Variants in ATRN observed in about 807,000 individuals in gnomAD.
ATRN encodes the protein attractin.
ATRN carries 54 observed loss-of-function variants against 178.7 expected under a neutral mutation model. The ratio of observed to expected loss-of-function variants is 0.30; its 90% CI spans 0.24 to 0.38. The LOEUF (loss-of-function observed/expected upper bound fraction) is 0.38. ATRN is among the 10% of genes least tolerant of loss of function. The pLI is 1.00. For missense variants in ATRN, 1,443 were observed against 1,815.1 expected, an observed-to-expected ratio of 0.79 and a Z score of 3.73; for synonymous variants, 636 against 663.0, an observed-to-expected ratio of 0.96 and a Z score of 0.63.
At chr20:3,592,389 G>C (rs1053963545) in intron 19 of ATRN, 1 of 885,730 alleles carries the variant, frequency 1.1e-6, no homozygotes, top group Admixed American at 8.5e-5. Context: ...AACAGAGTGA[G>C]ACTCAGTCTC....
intron 1 of ATRN, chr20:3,489,810 TCA>T: frequency 7.9e-7 from 1 of 1,267,696 alleles, no homozygotes; most frequent in Non-Finnish European, 1.2e-6. Context: ...TCCACAAATC[TCA>T]CAGTTATAGT....
chr20:3,609,736 GTGTGTGTGTGTGTGTA>G (rs2086735950), intron 24 of ATRN, among the ~76,000 whole-genome samples: 1 of 150,216 alleles, frequency 6.7e-6, no homozygotes, highest in Non-Finnish European at 1.5e-5. Flanking sequence ...GTGTGTGTGT[GTGTGTGTGTGTGTGTA>G]TAAAATAAAA....
chr20:3,505,180 C>T (rs2085023988), intron 1 of ATRN, among the ~76,000 whole-genome samples: 1 of 152,146 alleles, frequency 6.6e-6, no homozygotes, highest in Admixed American at 6.5e-5. Flanking sequence ...GGCCACCATC[C>T]AATTGTTTGA....
chr20:3,583,877 T>C (rs200512307), intron 16 of ATRN, 21 bp from the exon 17 acceptor site: 13 of 1,605,220 alleles, frequency 8.1e-6, no homozygotes, highest in Admixed American at 6.7e-5. Context: ...TCTAAGTGTC[T>C]CTCTTGGGTT....
chr20:3,542,775 C>T (rs2085643799), intron 3 of ATRN, among the ~76,000 whole-genome samples: 1 of 151,210 alleles, frequency 6.6e-6, no homozygotes, highest in Non-Finnish European at 1.5e-5. Flanking sequence ...CACAAAAATG[C>T]AACACTATGC....
At chr20:3,568,445 T>A (rs2086069566) in intron 11 of ATRN, among the ~76,000 whole-genome samples, 1 of 150,310 alleles carries the variant, frequency 6.7e-6, no homozygotes, top group African/African-American at 2.5e-5. Flanking sequence ...CCCAGGAGTT[T>A]GAGGCTGCAG....
At chr20:3,607,370 T>C (rs573041937) in intron 24 of ATRN, among the ~76,000 whole-genome samples, 5 of 152,290 alleles carry the variant, frequency 3.3e-5, no homozygotes, top group Admixed American at 1.3e-4. Context: ...TTATACCCAT[T>C]AACCTCTATC....
In ATRN at chr20:3,582,241, C is replaced by T. The variant is rs377432996; in HGVS notation, c.2651C>T (p.Pro884Leu). Residue 884 changes from proline (P) to leucine (L), a missense_variant, in exon 16 of 29, where the codon CCG (proline) becomes CTG (leucine). This residue lies in a region of ATRN where 212 missense variants were observed against 330.7 expected (regional missense o/e 0.64). Coordinates refer to ENST00000262919, the MANE Select transcript of ATRN (RefSeq NM_139321.3). ...PFTNSLLQWM[P>L]SEPSDAGFCG... ...ACAAATAGTTTACTACAGTGGATGC[C>T]GTCTGAGCCCAGTGATGCTGGATTC... 7.4e-6 allele frequency: 12 copies of T among 1,613,880 alleles called. No homozygotes were observed. Among genetic ancestry groups the T allele is most frequent in the Admixed American group, 1.7e-5 (1 of 60,004 alleles).
chr20:3,540,496 T>C (rs1477616065), intron 3 of ATRN, among the ~76,000 whole-genome samples, 161 bp downstream of exon 3: 2 of 152,264 alleles, frequency 1.3e-5, no homozygotes, highest in East Asian at 3.8e-4. Context: ...GTGTTAGTGC[T>C]AACTTGGTTT....
chr20:3,507,742 A>T (rs1284870824), intron 1 of ATRN, among the ~76,000 whole-genome samples: 1 of 135,424 alleles, frequency 7.4e-6, no homozygotes, highest in East Asian at 2.1e-4. Context: ...CTCTGTTGCC[A>T]GGCTGGATCT....
At chr20:3,511,724 A>G (rs2085130880) in intron 1 of ATRN, among the ~76,000 whole-genome samples, 1 of 152,162 alleles carries the variant, frequency 6.6e-6, no homozygotes, top group Admixed American at 6.5e-5. Context: ...CACACAGATC[A>G]ACAACGAAGA....
In ATRN at chr20:3,562,549, T is replaced by G. The variant is rs974204378; in HGVS notation, c.1631+90T>G. On this transcript the variant is annotated intron_variant, in intron 9 of 28. Transcript: ENST00000262919. ...ATATTGTGCTATCTTTTTGTTTTCATGCCTGGCAGATAATTCTGTTCGGCA... is the reference window on the plus strand; with the variant it reads ...ATATTGTGCTATCTTTTTGTTTTCAGGCCTGGCAGATAATTCTGTTCGGCA... The G allele has an allele frequency of 3.8e-6, 5 of 1,330,390 alleles. No individual in the cohort carries two copies. In the East Asian group the frequency reaches 9.3e-5, roughly 25 times the overall value. 82.4% of individuals were successfully genotyped at this position (1,330,390 alleles called of 1,614,324 possible).
At chr20:3,559,050 A>G (rs2085916685) in intron 6 of ATRN, among the ~76,000 whole-genome samples, 1 of 152,238 alleles carries the variant, frequency 6.6e-6, no homozygotes, top group African/African-American at 2.4e-5. Context: ...TCATGATTAA[A>G]TAAAAGAAAA....
chr20:3,584,125 T>A (rs170976), intron 17 of ATRN, 42 bp downstream of exon 17: 1,191,952 of 1,589,398 alleles, frequency 0.75, 450,097 homozygotes, highest in East Asian at 0.99. Flanking sequence ...GCATGCCCTC[T>A]GTATAGGCAA....
rs1272030915 is a variant in ATRN, at chr20:3,492,939, ATTT to A, written c.410+21423_410+21425del. ...ATACATATATATGTGGGTATATATT[ATTT>A]ATTTATGTATATATAATATAATATA... On this transcript the variant is annotated intron_variant, in intron 1 of 28. Transcript: ENST00000262919. 3.3e-4 allele frequency among the ~76,000 whole-genome samples: 48 copies of A among 146,366 alleles called. 1 individual carries two copies. In the Admixed American group the frequency reaches 3.3e-3, roughly 10 times the overall value.
At chr20:3,560,242 G>C (rs1011580792) in intron 7 of ATRN, among the ~76,000 whole-genome samples, 1 of 152,030 alleles carries the variant, frequency 6.6e-6, no homozygotes, top group African/African-American at 2.4e-5. Flanking sequence ...TTGATAATGT[G>C]ATATTTGTCT....
intron 27 of ATRN, among the ~76,000 whole-genome samples, chr20:3,639,345 C>T (rs1310992032): frequency 1.3e-5 from 2 of 152,068 alleles, no homozygotes; most frequent in Admixed American, 6.6e-5. Context: ...ATCTACCTCC[C>T]GGGTTCAAGC....
intron 23 of ATRN, among the ~76,000 whole-genome samples, chr20:3,602,042 G>A (rs560312145): frequency 3.3e-5 from 5 of 152,118 alleles, no homozygotes; most frequent in Non-Finnish European, 4.4e-5. Context: ...TAAAAACACC[G>A]TCCTGGCAGG....
At chr20:3,607,462 TGA>T (rs149156603) in intron 24 of ATRN, among the ~76,000 whole-genome samples, 2,766 of 152,266 alleles carry the variant, frequency 0.018, 44 homozygotes, top group Non-Finnish European at 0.025. Flanking sequence ...CACATCTGAG[TGA>T]GAAAACATAT....
Sources: gnomAD v4.1 joint callset for allele counts (sites outside exome capture counted in the v4.1 genomes callset) on GRCh38, gnomAD v4.1.1 for gene constraint, gnomAD v4.1.1 regional missense constraint, MANE v1.5 for transcripts, NCBI Gene and HGNC (gene_info 2026-07-23, HGNC 2026-07-21) for gene names.